DIABLO: variants seen among roughly 807,000 people sequenced by gnomAD.
The protein encoded by DIABLO is diablo homolog, mitochondrial.
DIABLO carries 32 observed loss-of-function variants against 31.7 expected under a neutral mutation model. The ratio of observed to expected loss-of-function variants is 1.01; its 90% CI spans 0.76 to 1.35. DIABLO has a LOEUF of 1.35. Ranked by LOEUF, DIABLO falls within the 40% of genes most tolerant of loss-of-function variation. DIABLO has a pLI of 0.00. For synonymous variants in DIABLO, 132 were observed against 103.2 expected (o/e 1.28, Z -1.69); for missense variants, 316 against 286.4 (o/e 1.10, Z -0.75).
chr12:122,215,882 GGAAAAAAAAA>G (rs1164081564), intron 5 of DIABLO, among the ~76,000 whole-genome samples: 1 of 20,900 alleles, frequency 4.8e-5, no homozygotes, highest in Non-Finnish European at 1.3e-4. Context: ...ATTTTATGAA[GGAAAAAAAAA>G]AAAAAAAAAA....
chr12:122,210,224 A>C (rs1199048350), intron 5 of DIABLO, among the ~76,000 whole-genome samples: 3 of 152,102 alleles, frequency 2.0e-5, no homozygotes, highest in African/African-American at 7.2e-5. Flanking sequence ...TAGTAAGAGG[A>C]GGCTTGTCAT....
At chr12:122,221,116 T>G (rs1320065728) in intron 2 of DIABLO, 1 of 152,052 alleles carries the variant, frequency 6.6e-6, no homozygotes, top group Admixed American at 6.6e-5. Context: ...CTCAGGAGGG[T>G]GCCAAAGGAT....
intron 2 of DIABLO, among the ~76,000 whole-genome samples, chr12:122,219,622 C>T (rs1392709740): frequency 1.3e-5 from 2 of 151,488 alleles, no homozygotes; most frequent in African/African-American, 2.4e-5. Flanking sequence ...TTTGGGAGGC[C>T]GAGGCGGGTG....
Position 122,218,366 on chromosome 12 carries a change from G to T in DIABLO, c.215C>A (p.Ala72Glu). The part of the protein sequence containing the change: ...KSEPHSLSSE[A>E]LMRRAVSLVT... The stretch of plus-strand genomic sequence containing the variant: ...CAAAGACACTGCTCTCCTCATCAAT[G>T]CTTCACTACTAAGGGAATGAGGCTC... Residue 72 changes from alanine to glutamate, a missense_variant, in exon 3 of 6, where the codon GCA (alanine) becomes GAA (glutamate). By Grantham distance (107) the Ala-to-Glu change is moderately radical. Coordinates refer to ENST00000464942, the MANE Select transcript of DIABLO (RefSeq NM_001371333.1). 1.2e-6 allele frequency: 2 copies of T among 1,614,148 alleles called. No individual in the cohort carries two copies. The highest frequency in any genetic ancestry group is 1.7e-6 in the Non-Finnish European group (2 of 1,180,024).
chr12:122,209,215 T>C (rs1954018522), intron 5 of DIABLO, among the ~76,000 whole-genome samples: 1 of 151,590 alleles, frequency 6.6e-6, no homozygotes, highest in Non-Finnish European at 1.5e-5. Flanking sequence ...AAAAAAAAAT[T>C]AGCCAGGCAT....
chr12:122,218,787 C>G (rs1426628500), intron 2 of DIABLO: 1 of 281,454 alleles, frequency 3.6e-6, no homozygotes, highest in Non-Finnish European at 6.7e-6. Flanking sequence ...TAAAAAAATA[C>G]AAAAATTAGC....
chr12:122,212,773 C>T (rs1400517201), intron 5 of DIABLO, among the ~76,000 whole-genome samples: 6 of 151,596 alleles, frequency 4.0e-5, no homozygotes, highest in East Asian at 1.9e-4. Flanking sequence ...TACAGGCACC[C>T]GCCACCACAC....
chr12:122,220,378 G>A (rs1474012350), intron 2 of DIABLO, among the ~76,000 whole-genome samples: 1 of 151,370 alleles, frequency 6.6e-6, no homozygotes, highest in Non-Finnish European at 1.5e-5. Context: ...TTCCTCCTCA[G>A]CAAAGCACTC....
intron 2 of DIABLO, chr12:122,220,855 AAAGG>A (rs1954320071): frequency 6.6e-6 from 1 of 152,224 alleles, no homozygotes; most frequent in African/African-American, 2.4e-5. Flanking sequence ...CAGGACTACA[AAAGG>A]AAGAAAGACA....
upstream of DIABLO, chr12:122,226,242 T>G (rs948107252): frequency 4.0e-6 from 3 of 743,680 alleles, no homozygotes; most frequent in Non-Finnish European, 7.0e-6. Context: ...GGGCGGGGCA[T>G]ATGCAGGGCC....
chr12:122,210,308 C>T (rs947853391), intron 5 of DIABLO, among the ~76,000 whole-genome samples: 6 of 150,980 alleles, frequency 4.0e-5, no homozygotes, highest in African/African-American at 9.7e-5. Context: ...AACTCTCCCA[C>T]GAAACATCCT....
upstream of DIABLO, chr12:122,226,296 C>A (rs1232765790): frequency 1.5e-6 from 1 of 668,552 alleles, no homozygotes; most frequent in African/African-American, 1.9e-5. Flanking sequence ...AGTCGGGCGC[C>A]GTGACGCTGG....
upstream of DIABLO, chr12:122,226,525 G>A (rs1954483578): frequency 2.9e-6 from 2 of 699,042 alleles, no homozygotes; most frequent in South Asian, 1.5e-5. Flanking sequence ...AGCAGCTCCC[G>A]CAGCAGCTGC....
chr12:122,208,727 C>T (rs1274545754), intron 5 of DIABLO, 150 bp from the exon 6 acceptor site: 4 of 776,474 alleles, frequency 5.2e-6, no homozygotes, highest in Non-Finnish European at 8.8e-6. Context: ...TGCAAAGAAA[C>T]TTCCACCTCT....
intron 5 of DIABLO, among the ~76,000 whole-genome samples, chr12:122,209,202 T>C (rs1954018137): frequency 6.7e-6 from 1 of 150,086 alleles, no homozygotes; most frequent in Admixed American, 6.6e-5. Flanking sequence ...CTACCAAAAA[T>C]ACAAAAAAAA....
At position 122,208,266 on chromosome 12, in the gene DIABLO, G is replaced by T; in HGVS notation, c.*115C>A. ...AAAGGCGTCTCGCCTGATTGGCCAG[G>T]GCAGGATCTGCCGCCTCTTCTCGGT... On this transcript the variant is annotated 3_prime_UTR_variant, in exon 6 of 6. Coordinates refer to ENST00000464942, the MANE Select transcript of DIABLO (RefSeq NM_001371333.1). 7.9e-7 allele frequency: 1 copy of T among 1,268,674 alleles called. No individual in the cohort carries two copies. The allele number at this position is 1,268,674 out of a possible 1,614,324, so 78.6% of individuals were successfully genotyped here.
intron 1 of DIABLO, chr12:122,225,281 G>A (rs1482301683): frequency 1.9e-6 from 1 of 514,450 alleles, no homozygotes; most frequent in Non-Finnish European, 2.5e-6. Flanking sequence ...CCAGCTACTC[G>A]GGAGGCTGAG....
chr12:122,225,439 G>C, intron 1 of DIABLO: 27 of 999,324 alleles, frequency 2.7e-5, no homozygotes, highest in Non-Finnish European at 3.1e-5. Context: ...AGAAACGGAT[G>C]CCACAATAAC....
At chr12:122,225,226 A>T in intron 1 of DIABLO, 1 of 220,070 alleles carries the variant, frequency 4.5e-6, no homozygotes, top group Non-Finnish European at 7.6e-6. Context: ...CAAAACAAAA[A>T]GAAAAAAAAA....
Sources: gnomAD v4.1 joint callset for allele counts (sites outside exome capture counted in the v4.1 genomes callset) on GRCh38, gnomAD v4.1.1 for gene constraint, MANE v1.5 for transcripts, NCBI Gene and HGNC (gene_info 2026-07-23, HGNC 2026-07-21) for gene names.